The following CNTNAP2 variants were observed in gnomAD, a reference collection of about 807,000 sequenced individuals.
The protein encoded by CNTNAP2 is contactin-associated protein-like 2.
CNTNAP2 carries 98 observed loss-of-function variants against 155.2 expected under a neutral mutation model. That is an observed-to-expected ratio of 0.63 (90% CI 0.54 to 0.75). The LOEUF (loss-of-function observed/expected upper bound fraction) is 0.75. Ranked by LOEUF, CNTNAP2 falls within the 30% of genes least tolerant of loss-of-function variation. The pLI is 0.00. For missense variants in CNTNAP2, 1,727 were observed against 1,688.1 expected, an observed-to-expected ratio of 1.02 and a Z score of -0.40; for synonymous variants, 651 against 631.2, an observed-to-expected ratio of 1.03 and a Z score of -0.47.
At chr7:148,045,133 G>A (rs957523032) in intron 15 of CNTNAP2, among the ~76,000 whole-genome samples, 7 of 152,162 alleles carry the variant, frequency 4.6e-5, no homozygotes, top group East Asian at 1.9e-4. Context: ...CAGAAGCAGC[G>A]TTTGACTCAC....
At chr7:147,472,459 G>A (rs552657260) in intron 10 of CNTNAP2, among the ~76,000 whole-genome samples, 10 of 151,942 alleles carry the variant, frequency 6.6e-5, no homozygotes, top group Non-Finnish European at 7.4e-5. Context: ...GTGATTCACC[G>A]ACCTCCACCT....
chr7:148,229,701 C>T lies in CNTNAP2; in HGVS notation c.3303C>T (p.Asp1101=), dbSNP rs772181075. The T allele has an allele frequency of 2.5e-5, 40 of 1,614,014 alleles. No individual in the cohort carries two copies. In the Middle Eastern group the frequency reaches 1.2e-3, roughly 46 times the overall value. Reference sequence around the variant, plus strand: ...GCACCCGAGAGCCATACAATATTGACGTAGACCACAGGAACATGGCCAATG... The same window carrying T: ...GCACCCGAGAGCCATACAATATTGATGTAGACCACAGGAACATGGCCAATG... The part of the protein sequence containing the change: ...LGGTREPYNI[D]VDHRNMANGQ... Residue 1101 remains aspartate, a synonymous_variant, in exon 20 of 24, where the codon GAC becomes GAT. Coordinates refer to ENST00000361727, the MANE Select transcript of CNTNAP2 (RefSeq NM_014141.6).
chr7:146,701,051 A>AG (rs146911040), intron 1 of CNTNAP2, among the ~76,000 whole-genome samples: 3 of 53,642 alleles, frequency 5.6e-5, no homozygotes, highest in Non-Finnish European at 1.1e-4. Flanking sequence ...GCTCTGAAAA[A>AG]AAAAAGTAGA....
chr7:147,150,161 T>C (rs1020728752), intron 8 of CNTNAP2, among the ~76,000 whole-genome samples: 1 of 152,182 alleles, frequency 6.6e-6, no homozygotes, highest in Non-Finnish European at 1.5e-5. Context: ...TCAAGGCTTA[T>C]GTTATCAGCA....
At chr7:146,644,109 A>G (rs1218243889) in intron 1 of CNTNAP2, among the ~76,000 whole-genome samples, 2 of 152,218 alleles carry the variant, frequency 1.3e-5, no homozygotes, top group African/African-American at 4.8e-5. Flanking sequence ...GTCTGCAAAC[A>G]GGGACAATTC....
intron 13 of CNTNAP2, among the ~76,000 whole-genome samples, chr7:147,742,920 A>G (rs1195607792): frequency 6.6e-6 from 1 of 152,232 alleles, no homozygotes; most frequent in Non-Finnish European, 1.5e-5. Context: ...CAATACAGTC[A>G]GAAGCCTCGA....
intron 20 of CNTNAP2, among the ~76,000 whole-genome samples, chr7:148,253,639 G>A (rs1796409191): frequency 6.6e-6 from 1 of 152,108 alleles, no homozygotes; most frequent in Non-Finnish European, 1.5e-5. Flanking sequence ...TTACGCCGAG[G>A]CCTCTCTCTT....
intron 1 of CNTNAP2, among the ~76,000 whole-genome samples, chr7:146,290,657 C>A (rs143994602): frequency 1.2e-4 from 18 of 152,050 alleles, no homozygotes; most frequent in African/African-American, 3.9e-4. Context: ...CTGTAAAGAG[C>A]GTGTATTTGG....
rs141572894 is a variant in CNTNAP2 at position 148,112,298 on chromosome 7, A to C, written c.2384-5820A>C. ...ACAAACAAAAATATAAGAAAATACA[A>C]TTACATACAACAAAATGCAAGAAAA... On this transcript the variant is annotated intron_variant, in intron 15 of 23. Transcript: ENST00000361727. 2.6e-3 allele frequency among the ~76,000 whole-genome samples: 399 copies of C among 152,260 alleles called. 2 individuals carry two copies. The highest frequency in any genetic ancestry group is 9.2e-3 in the African/African-American group (381 of 41,552).
chr7:146,184,667 C>T (rs895064489), intron 1 of CNTNAP2, among the ~76,000 whole-genome samples: 1 of 152,178 alleles, frequency 6.6e-6, no homozygotes, highest in South Asian at 2.1e-4. Flanking sequence ...ATTGGTACTT[C>T]ATGAAGGATG....
intron 9 of CNTNAP2, among the ~76,000 whole-genome samples, chr7:147,328,627 G>A (rs528475669): frequency 2.6e-5 from 4 of 152,232 alleles, no homozygotes; most frequent in Non-Finnish European, 4.4e-5. Flanking sequence ...TGAAGCAAAC[G>A]GGTTGCACTA....
chr7:146,854,109 C>A (rs1794932325), intron 3 of CNTNAP2, among the ~76,000 whole-genome samples: 3 of 152,074 alleles, frequency 2.0e-5, no homozygotes. Context: ...GCTTATCCTC[C>A]CTTCAGACCT....
At chr7:147,476,835 G>A (rs1481059897) in intron 10 of CNTNAP2, among the ~76,000 whole-genome samples, 1 of 151,654 alleles carries the variant, frequency 6.6e-6, no homozygotes, top group Non-Finnish European at 1.5e-5. Flanking sequence ...GGCTGAGACA[G>A]GAGAATCACT....
intron 1 of CNTNAP2, among the ~76,000 whole-genome samples, chr7:146,377,053 G>A (rs980172295): frequency 2.6e-5 from 4 of 152,146 alleles, no homozygotes; most frequent in South Asian, 2.1e-4. Flanking sequence ...TACAGCCTCC[G>A]GTATTTTGTT....
chr7:148,207,094 A>G (rs1795462246), intron 18 of CNTNAP2, among the ~76,000 whole-genome samples: 1 of 152,210 alleles, frequency 6.6e-6, no homozygotes, highest in South Asian at 2.1e-4. Context: ...TGCTTTTGTC[A>G]TCAGCATGAG....
intron 2 of CNTNAP2, among the ~76,000 whole-genome samples, chr7:146,788,222 C>G (rs1802610770): frequency 6.6e-6 from 1 of 152,234 alleles, no homozygotes; most frequent in African/African-American, 2.4e-5. Flanking sequence ...AGGGAGCGGA[C>G]TCTTGCCTCT....
chr7:147,531,281 G>A (rs1213236428), intron 11 of CNTNAP2, among the ~76,000 whole-genome samples: 2 of 152,204 alleles, frequency 1.3e-5, no homozygotes, highest in African/African-American at 4.8e-5. Context: ...CAGTGCCCCA[G>A]TTAGGACTCT....
At chr7:146,959,145 GAGTAACTGGGACTAC>G (rs1373255208) in intron 3 of CNTNAP2, among the ~76,000 whole-genome samples, 1 of 151,746 alleles carries the variant, frequency 6.6e-6, no homozygotes, top group Non-Finnish European at 1.5e-5. Context: ...TCAGCCTGCC[GAGTAACTGGGACTAC>G]AGGCACCCAC....
chr7:146,342,178 G>A (rs60947477), intron 1 of CNTNAP2, among the ~76,000 whole-genome samples: 11,581 of 152,136 alleles, frequency 0.076, 940 homozygotes, highest in African/African-American at 0.2. Context: ...GAGTGTTCCT[G>A]TGGAAGATTA....
Sources: allele counts gnomAD v4.1 joint callset (sites outside exome capture counted in the v4.1 genomes callset), GRCh38; gene constraint gnomAD v4.1.1; transcripts MANE v1.5; gene names NCBI Gene and HGNC (gene_info 2026-07-23, HGNC 2026-07-21).